The following ADGRB3 variants were observed in gnomAD, a reference collection of about 807,000 sequenced individuals.
ADGRB3 encodes the protein brain-specific angiogenesis inhibitor 3.
ADGRB3 carries 37 observed loss-of-function variants against 193.4 expected under a neutral mutation model. The ratio of observed to expected loss-of-function variants is 0.19; its 90% CI spans 0.15 to 0.25. The LOEUF (loss-of-function observed/expected upper bound fraction) is 0.25, where lower values mean the gene tolerates loss of function less well. Ranked by LOEUF, ADGRB3 falls within the 10% of genes least tolerant of loss-of-function variation. ADGRB3 has a pLI of 1.00. For synonymous variants in ADGRB3, 690 were observed against 644.2 expected (o/e 1.07, Z -1.08); for missense variants, 1,637 against 1,852.9 (o/e 0.88, Z 2.14).
intron 3 of ADGRB3, among the ~76,000 whole-genome samples, chr6:68,751,420 C>T (rs1766196316): frequency 6.6e-6 from 1 of 152,094 alleles, no homozygotes; most frequent in Non-Finnish European, 1.5e-5. Flanking sequence ...CATCTTATCT[C>T]CTTCTTTCCC....
At chr6:69,112,267 A>G (rs1773387686) in intron 17 of ADGRB3, among the ~76,000 whole-genome samples, 1 of 152,144 alleles carries the variant, frequency 6.6e-6, no homozygotes, top group African/African-American at 2.4e-5. Flanking sequence ...TCCACCTGTC[A>G]CCCTTTGCCA....
chr6:69,131,638 T>A (rs1774013024), intron 17 of ADGRB3, among the ~76,000 whole-genome samples: 1 of 152,216 alleles, frequency 6.6e-6, no homozygotes, highest in South Asian at 2.1e-4. Flanking sequence ...TTTATTTTTT[T>A]AATAATACTT....
intron 8 of ADGRB3, among the ~76,000 whole-genome samples, chr6:68,971,362 G>A (rs1433684654): frequency 6.6e-6 from 1 of 152,162 alleles, no homozygotes; most frequent in Admixed American, 6.5e-5. Flanking sequence ...CTAAAATCCT[G>A]TCTACTCAAT....
intron 18 of ADGRB3, among the ~76,000 whole-genome samples, 176 bp downstream of exon 18, chr6:69,233,592 A>G (rs1230510825): frequency 6.6e-6 from 1 of 152,238 alleles, no homozygotes. Flanking sequence ...TTGGTATTCT[A>G]TAACTAAATT....
rs565024399 is a variant in ADGRB3 at position 68,839,368 on chromosome 6, A to C, written c.758-91191A>C. Reference sequence around the variant, plus strand: ...AACTTCAAAATACATAGCTTCTCATATGGTGACTTCATTATGTAGTGTCAA... The same window carrying C: ...AACTTCAAAATACATAGCTTCTCATCTGGTGACTTCATTATGTAGTGTCAA... On this transcript the variant is annotated intron_variant, in intron 3 of 31. Coordinates refer to ENST00000370598, the MANE Select transcript of ADGRB3 (RefSeq NM_001704.3). Among the ~76,000 whole-genome samples, 6 of 152,192 alleles carry C rather than the reference A, an allele frequency of 3.9e-5. No homozygotes were observed. The East Asian group carries it at 1.2e-3, about 29-fold the overall frequency.
chr6:68,790,333 C>A (rs1767076008), intron 3 of ADGRB3, among the ~76,000 whole-genome samples: 2 of 152,194 alleles, frequency 1.3e-5, no homozygotes, highest in South Asian at 4.1e-4. Context: ...AGGAGGCCTG[C>A]CTGCCTCTGT....
intron 3 of ADGRB3, among the ~76,000 whole-genome samples, chr6:68,696,489 C>T (rs1765160443): frequency 6.6e-6 from 1 of 151,180 alleles, no homozygotes; most frequent in Non-Finnish European, 1.5e-5. Context: ...AAAATCACAA[C>T]TGAATTAACG....
intron 17 of ADGRB3, among the ~76,000 whole-genome samples, chr6:69,156,849 A>G (rs1227507352): frequency 1.3e-5 from 2 of 152,206 alleles, no homozygotes; most frequent in African/African-American, 4.8e-5. Flanking sequence ...TCTTTGGTTT[A>G]CAAATGAAGA....
chr6:69,342,268 T>C (rs1457049540), intron 26 of ADGRB3, among the ~76,000 whole-genome samples: 1 of 152,184 alleles, frequency 6.6e-6, no homozygotes, highest in Admixed American at 6.6e-5. Context: ...TCAAGTTGAA[T>C]AATTTTATAG....
At chr6:69,109,827 G>A (rs1773318828) in intron 17 of ADGRB3, among the ~76,000 whole-genome samples, 1 of 151,936 alleles carries the variant, frequency 6.6e-6, no homozygotes, top group African/African-American at 2.4e-5. Flanking sequence ...AATAACATAT[G>A]CAAAAAATAT....
intron 27 of ADGRB3, 127 bp from the exon 28 acceptor site, chr6:69,355,693 CT>C (rs1401015500): frequency 2.0e-5 from 15 of 747,046 alleles, no homozygotes; most frequent in Non-Finnish European, 3.1e-5. Flanking sequence ...GAGAAATTTC[CT>C]ATGAACAAAA....
At chr6:68,956,562 G>A in intron 7 of ADGRB3, 83 bp from the exon 8 acceptor site, 1 of 1,514,216 alleles carries the variant, frequency 6.6e-7, no homozygotes, top group Non-Finnish European at 9.1e-7. Context: ...AAAATGGAAG[G>A]GGTAGTAACA....
chr6:69,296,260 A>G, intron 20 of ADGRB3, among the ~76,000 whole-genome samples: 1 of 152,162 alleles, frequency 6.6e-6, no homozygotes, highest in East Asian at 1.9e-4. Flanking sequence ...AATTTCAAGG[A>G]GTTAAATAGA....
intron 17 of ADGRB3, 125 bp from the exon 18 acceptor site, chr6:69,233,165 A>AT (rs142952089): frequency 0.14 from 174,512 of 1,275,608 alleles, 10,263 homozygotes; most frequent in Middle Eastern, 0.15. Context: ...CAACAAGTAG[A>AT]TTTTTTTTTC....
At chr6:69,202,089 A>G (rs2150358147) in intron 17 of ADGRB3, among the ~76,000 whole-genome samples, 1 of 152,272 alleles carries the variant, frequency 6.6e-6, no homozygotes, top group East Asian at 1.9e-4. Context: ...TGTTCTACAG[A>G]ACCAGAAGTT....
chr6:69,360,537 AC>A (rs987257714), intron 28 of ADGRB3, among the ~76,000 whole-genome samples: 1 of 151,870 alleles, frequency 6.6e-6, no homozygotes, highest in Non-Finnish European at 1.5e-5. Flanking sequence ...GATGGAGAAA[AC>A]TTCTCTGGTA....
At chr6:69,151,089 A>T (rs1293310321) in intron 17 of ADGRB3, among the ~76,000 whole-genome samples, 3 of 152,168 alleles carry the variant, frequency 2.0e-5, no homozygotes, top group Non-Finnish European at 4.4e-5. Flanking sequence ...GGTTGGTGCA[A>T]GTACTCCTTA....
At chr6:69,121,828 C>T (rs1192639241) in intron 17 of ADGRB3, among the ~76,000 whole-genome samples, 9 of 147,830 alleles carry the variant, frequency 6.1e-5, no homozygotes, top group South Asian at 2.2e-4. Flanking sequence ...AATGGGCGGC[C>T]GGGCAGAGGC....
In ADGRB3 at chr6:69,219,461, GTATA is replaced by G. The variant is rs3839475; in HGVS notation, c.2481-13800_2481-13797del. On this transcript the variant is annotated intron_variant, in intron 17 of 31. Coordinates refer to ENST00000370598, the MANE Select transcript of ADGRB3 (RefSeq NM_001704.3). ...CTTTAACTTAAAAATACACACACAC[GTATA>G]TATATATATATATATATATATATAT... 2.1e-3 allele frequency among the ~76,000 whole-genome samples: 206 copies of G among 98,950 alleles called. 4 individuals carry two copies. Among genetic ancestry groups the G allele is most frequent in the Non-Finnish European group, 2.4e-3 (108 of 44,632 alleles). 64.9% of individuals were successfully genotyped at this position (98,950 alleles called of 152,430 possible).
Sources: gnomAD v4.1 joint callset for allele counts (sites outside exome capture counted in the v4.1 genomes callset) on GRCh38, gnomAD v4.1.1 for gene constraint, MANE v1.5 for transcripts, NCBI Gene and HGNC (gene_info 2026-07-23, HGNC 2026-07-21) for gene names.